RMND5A: variants seen among roughly 807,000 people sequenced by gnomAD.
The protein encoded by RMND5A is E3 ubiquitin-protein transferase RMND5A.
In RMND5A, 17 loss-of-function variants were observed where a neutral mutation model predicts 49.7. The ratio of observed to expected loss-of-function variants is 0.34; its 90% CI spans 0.23 to 0.51. The LOEUF (loss-of-function observed/expected upper bound fraction) is 0.51. RMND5A is among the 20% of genes least tolerant of loss of function. The probability of loss-of-function intolerance (pLI) is 0.96; values close to 1 mark genes in which losing one functional copy is unlikely to be tolerated. For missense variants in RMND5A, 255 were observed against 471.3 expected (o/e 0.54, Z 4.25); for synonymous variants, 156 against 167.7 (o/e 0.93, Z 0.54).
At chr2:86,759,092 T>C (rs948846974) in intron 4 of RMND5A, among the ~76,000 whole-genome samples, 3 of 152,152 alleles carry the variant, frequency 2.0e-5, no homozygotes, top group Admixed American at 1.3e-4. Context: ...AGGCTTTTTT[T>C]CCCTAGTATT....
chr2:86,732,723 T>C (rs1681354543), intron 1 of RMND5A, among the ~76,000 whole-genome samples: 1 of 144,874 alleles, frequency 6.9e-6, no homozygotes, highest in Admixed American at 6.8e-5. Context: ...TTGACAAATG[T>C]GGAAATAGTT....
intron 2 of RMND5A, among the ~76,000 whole-genome samples, chr2:86,747,277 G>A (rs1353686115): frequency 1.3e-5 from 2 of 152,028 alleles, no homozygotes; most frequent in East Asian, 3.8e-4. Context: ...TTGAAGGTGG[G>A]GCATCTTCTC....
chr2:86,760,147 C>T (rs750792427), intron 4 of RMND5A, among the ~76,000 whole-genome samples: 11 of 152,014 alleles, frequency 7.2e-5, no homozygotes, highest in Non-Finnish European at 1.6e-4. Flanking sequence ...CGAGTTCAAG[C>T]GATTCTCCTG....
chr2:86,759,794 T>C (rs1001601330), intron 4 of RMND5A, among the ~76,000 whole-genome samples: 1 of 151,654 alleles, frequency 6.6e-6, no homozygotes, highest in Non-Finnish European at 1.5e-5. Flanking sequence ...AATGAGACTC[T>C]GTCTCAAAAA....
intron 2 of RMND5A, among the ~76,000 whole-genome samples, chr2:86,743,060 A>T (rs976009331): frequency 8.5e-5 from 13 of 152,098 alleles, no homozygotes; most frequent in Middle Eastern, 3.2e-3. Flanking sequence ...TGTCATGATG[A>T]TCAGAATCTT....
In RMND5A at chr2:86,757,665, A is replaced by G. The variant is rs557264143; in HGVS notation, c.521+4107A>G. ...GAAAGAAAGCACTATCTTTAGGGGA[A>G]GCTACTTGGTTGCCTTCCTAAACGT... On this transcript the variant is annotated intron_variant, in intron 4 of 8. Coordinates refer to ENST00000283632, the MANE Select transcript of RMND5A (RefSeq NM_022780.4). Among the ~76,000 whole-genome samples, 3 of 152,346 alleles carry G rather than the reference A, an allele frequency of 2.0e-5. No homozygotes were observed. The East Asian group carries it at 5.8e-4, about 29-fold the overall frequency.
At chr2:86,744,011 TATTA>T (rs1452461750) in intron 2 of RMND5A, among the ~76,000 whole-genome samples, 4 of 151,608 alleles carry the variant, frequency 2.6e-5, no homozygotes, top group African/African-American at 9.7e-5. Flanking sequence ...ATACATACTA[TATTA>T]TTTAGCTGAC....
intron 2 of RMND5A, chr2:86,748,181 A>G (rs528513376): frequency 6.6e-6 from 1 of 152,352 alleles, no homozygotes; most frequent in South Asian, 2.1e-4. Context: ...TAGCAACAGA[A>G]GCTGGAACTA....
At chr2:86,732,386 G>C (rs1260152435) in intron 1 of RMND5A, among the ~76,000 whole-genome samples, 1 of 149,598 alleles carries the variant, frequency 6.7e-6, no homozygotes. Flanking sequence ...GATGAGAAAC[G>C]TACTTGTCAA....
intron 8 of RMND5A, 78 bp from the exon 9 acceptor site, chr2:86,773,270 T>C: frequency 1.3e-6 from 1 of 743,426 alleles, no homozygotes; most frequent in Non-Finnish European, 2.3e-6. Flanking sequence ...TTGTTAAAGA[T>C]ACTCTATAAC....
chr2:86,759,449 G>A (rs1681804974), intron 4 of RMND5A, among the ~76,000 whole-genome samples: 2 of 152,118 alleles, frequency 1.3e-5, no homozygotes, highest in South Asian at 4.1e-4. Context: ...AGAGATCAGT[G>A]TAACACTGTT....
chr2:86,759,786 T>C (rs1681816003), intron 4 of RMND5A, among the ~76,000 whole-genome samples: 1 of 151,392 alleles, frequency 6.6e-6, no homozygotes, highest in African/African-American at 2.4e-5. Context: ...GGCAACAGAA[T>C]GAGACTCTGT....
At chr2:86,768,642 G>T (rs547765459) in intron 6 of RMND5A, among the ~76,000 whole-genome samples, 13 of 151,820 alleles carry the variant, frequency 8.6e-5, no homozygotes, top group African/African-American at 3.2e-4. Context: ...GGGCCTATAG[G>T]GCTGGGGTTT....
At chr2:86,764,145 ATTC>A (rs1304857729) in intron 4 of RMND5A, among the ~76,000 whole-genome samples, 1 of 152,224 alleles carries the variant, frequency 6.6e-6, no homozygotes, top group East Asian at 1.9e-4. Context: ...GAGATTTTGT[ATTC>A]TTACCCAGTT....
intron 4 of RMND5A, among the ~76,000 whole-genome samples, chr2:86,756,179 C>T (rs1681736054): frequency 6.6e-6 from 1 of 151,944 alleles, no homozygotes; most frequent in African/African-American, 2.4e-5. Flanking sequence ...ATCGCTTGAG[C>T]CCAGGAGTTC....
At chr2:86,771,535 AC>A in intron 7 of RMND5A, 22 bp from the exon 8 acceptor site, 10 of 1,405,674 alleles carry the variant, frequency 7.1e-6, no homozygotes, top group Admixed American at 2.2e-5. Flanking sequence ...CAGCTTTTTT[AC>A]TTTTTTTTTT....
At position 86,776,731 on chromosome 2, in the gene RMND5A, G is replaced by A. The variant is rs1279369672; in HGVS notation, c.*3320G>A. 1.3e-5 allele frequency: 2 copies of A among 152,156 alleles called. No individual in the cohort carries two copies. Among genetic ancestry groups the A allele is most frequent in the Admixed American group, 6.5e-5 (1 of 15,280 alleles). The allele number at this position is 152,156 out of a possible 1,614,324, so 9.4% of individuals were successfully genotyped here. A position where few individuals can be genotyped will look rare whatever the true frequency, so the allele number is the denominator to read the frequency against. ...CGCTGCTCAGTCTGTTTCGTCAGCCGACTCAGGTTATTTTCAGGGAAGGCA... is the reference window on the plus strand; with the variant it reads ...CGCTGCTCAGTCTGTTTCGTCAGCCAACTCAGGTTATTTTCAGGGAAGGCA... On this transcript the variant is annotated 3_prime_UTR_variant, in exon 9 of 9. Transcript: ENST00000283632.
intron 3 of RMND5A, 63 bp from the exon 4 acceptor site, chr2:86,753,395 T>A: frequency 1.1e-6 from 1 of 947,878 alleles, no homozygotes; most frequent in Non-Finnish European, 1.7e-6. Flanking sequence ...GAATATACTT[T>A]TACCACTAGC....
chr2:86,752,029 A>G lies in RMND5A; in HGVS notation c.419A>G (p.Gln140Arg), dbSNP rs367596649. The part of the protein sequence containing the change: ...GMLDVAEELC[Q>R]ESGLSVDPSQ... ...CTGGATGTGGCTGAGGAGCTCTGTC[A>G]GGTAACAGTGTGCCAACTGGGAGGA... The change falls in exon 3 of 9, where the codon CAG (glutamine) becomes CGG (arginine). Residue 140 changes from glutamine to arginine, a missense_variant and splice_region_variant. Physicochemically the swap from Gln to Arg is conservative, Grantham distance 43. Around this residue, in one of 3 missense-constraint regions of RMND5A, gnomAD observed 208 missense variants for 339.8 expected, o/e 0.61. Transcript: ENST00000283632. 6.2e-6 allele frequency: 10 copies of G among 1,613,336 alleles called. No individual in the cohort carries two copies. The highest frequency in any genetic ancestry group is 1.3e-5 in the African/African-American group (1 of 74,896).
Sources: gnomAD v4.1 joint callset for allele counts (sites outside exome capture counted in the v4.1 genomes callset) on GRCh38, gnomAD v4.1.1 for gene constraint, gnomAD v4.1.1 regional missense constraint, MANE v1.5 for transcripts, NCBI Gene and HGNC (gene_info 2026-07-23, HGNC 2026-07-21) for gene names.